The following SLC16A12 variants were observed in gnomAD, a reference collection of about 807,000 sequenced individuals.
The protein encoded by SLC16A12 is monocarboxylate transporter 12.
In SLC16A12, 17 loss-of-function variants were observed where a neutral mutation model predicts 42.4. The observed-to-expected ratio is 0.40, with a 90% confidence interval of 0.27 to 0.60. The LOEUF is 0.60. SLC16A12 is among the 20% of genes least tolerant of loss of function. The pLI is 0.42. For missense variants in SLC16A12, 544 were observed against 623.0 expected, an observed-to-expected ratio of 0.87 and a Z score of 1.35; for synonymous variants, 224 against 229.4, an observed-to-expected ratio of 0.98 and a Z score of 0.21.
chr10:89,431,137 A>T lies in SLC16A12; in HGVS notation c.*1927T>A. The T allele has an allele frequency of 5.8e-6, 1 of 171,438 alleles. No homozygotes were observed. Among genetic ancestry groups the T allele is most frequent in the Non-Finnish European group, 1.2e-5 (1 of 81,498 alleles). 10.6% of individuals were successfully genotyped at this position (171,438 alleles called of 1,614,324 possible). A position where few individuals can be genotyped will look rare whatever the true frequency, so the allele number is the denominator to read the frequency against. On this transcript the variant is annotated 3_prime_UTR_variant, in exon 8 of 8. Coordinates refer to ENST00000371790, the MANE Select transcript of SLC16A12 (RefSeq NM_213606.4). ...CTCAGCCTCATGAGTAGCTGGGACT[A>T]CAGGCGCCCGCCACCACGCCTGGCT...
At chr10:89,436,552 A>G (rs1841789523) in intron 6 of SLC16A12, among the ~76,000 whole-genome samples, 1 of 152,166 alleles carries the variant, frequency 6.6e-6, no homozygotes, top group African/African-American at 2.4e-5. Context: ...AAGGTAGAAT[A>G]TTAAAACTAG....
chr10:89,430,746 C>T lies in SLC16A12; in HGVS notation c.*2318G>A, dbSNP rs1377183378. On this transcript the variant is annotated 3_prime_UTR_variant, in exon 8 of 8. Transcript: ENST00000371790. Reference sequence around the variant, plus strand: ...GTCAAATCTCCCAAATGTTTTTATACAAAATCTTTAAAATTTCTGATCACT... The same window carrying T: ...GTCAAATCTCCCAAATGTTTTTATATAAAATCTTTAAAATTTCTGATCACT... 4.3e-6 allele frequency: 2 copies of T among 461,086 alleles called. No individual in the cohort carries two copies. Among genetic ancestry groups the T allele is most frequent in the East Asian group, 1.4e-4 (2 of 14,276 alleles). 28.6% of individuals were successfully genotyped at this position (461,086 alleles called of 1,614,324 possible).
chr10:89,533,894 T>C (rs1843600863), intron 2 of SLC16A12, among the ~76,000 whole-genome samples: 1 of 151,724 alleles, frequency 6.6e-6, no homozygotes, highest in Admixed American at 6.6e-5. Flanking sequence ...ATGCTAGTCA[T>C]ATTATTTTTG....
At chr10:89,547,966 CAAAA>C (rs60543445) in intron 2 of SLC16A12, among the ~76,000 whole-genome samples, 2 of 81,602 alleles carry the variant, frequency 2.5e-5, no homozygotes, top group Admixed American at 1.5e-4. Flanking sequence ...CCAGCCTGGG[CAAAA>C]AAAAAAAAAA....
intron 2 of SLC16A12, among the ~76,000 whole-genome samples, chr10:89,475,042 G>A (rs895584906): frequency 3.9e-5 from 6 of 152,140 alleles, no homozygotes; most frequent in Non-Finnish European, 8.8e-5. Flanking sequence ...GCTAAATGTT[G>A]TTGCTAAATG....
In SLC16A12 at chr10:89,548,515, T is replaced by TA. The variant is rs565213606; in HGVS notation, c.-47+7366dup. On this transcript the variant is annotated intron_variant, in intron 2 of 2. Coordinates refer to the SLC16A12 transcript ENST00000475682. Reference sequence around the variant, plus strand: ...TGCCTGCAATGTCTAGTAGGAGAAATAAAAAAAAAACGCAGTCGCGACTGG... The same window carrying TA: ...TGCCTGCAATGTCTAGTAGGAGAAATAAAAAAAAAAACGCAGTCGCGACTGG... Among the ~76,000 whole-genome samples the TA allele has an allele frequency of 1.3e-3, 190 of 145,998 alleles. 1 individual carries two copies. The South Asian group carries it at 0.024, about 19-fold the overall frequency.
chr10:89,530,560 G>A (rs1258431393), intron 2 of SLC16A12, among the ~76,000 whole-genome samples: 1 of 151,936 alleles, frequency 6.6e-6, no homozygotes, highest in Non-Finnish European at 1.5e-5. Context: ...TGGGACTACA[G>A]GCGCCTACCA....
chr10:89,529,961 A>C (rs1843518454), intron 2 of SLC16A12, among the ~76,000 whole-genome samples: 3 of 152,210 alleles, frequency 2.0e-5, no homozygotes, highest in Admixed American at 2.0e-4. Flanking sequence ...ACCCTCAGAA[A>C]TGGAAACATT....
intron 3 of SLC16A12, among the ~76,000 whole-genome samples, chr10:89,451,229 T>C (rs1437914840): frequency 3.3e-5 from 5 of 152,120 alleles, no homozygotes; most frequent in Non-Finnish European, 2.9e-5. Flanking sequence ...CTCCCTCTCC[T>C]CCCCAGTTGC....
At chr10:89,436,418 C>T (rs751739393) in intron 6 of SLC16A12, 99 bp from the exon 7 acceptor site, 101 of 1,425,274 alleles carry the variant, frequency 7.1e-5, no homozygotes, top group Non-Finnish European at 9.6e-5. Context: ...CAGTTATTTA[C>T]AGAGATGGCT....
rs1841680079 is a variant in SLC16A12 at position 89,430,618 on chromosome 10, G to A, written c.*2446C>T. On this transcript the variant is annotated 3_prime_UTR_variant, in exon 8 of 8. Coordinates refer to ENST00000371790, the MANE Select transcript of SLC16A12 (RefSeq NM_213606.4). ...AACATTAACACTAAAATTCTGTGTA[G>A]AAATGTAAAATAGTAGACCTTAAGA... The A allele has an allele frequency of 2.2e-6, 1 of 462,544 alleles. No individual in the cohort carries two copies. 28.7% of individuals were successfully genotyped at this position (462,544 alleles called of 1,614,324 possible). A position where few individuals can be genotyped will look rare whatever the true frequency, so the allele number is the denominator to read the frequency against.
At chr10:89,475,897 C>A (rs1842570309) in intron 2 of SLC16A12, among the ~76,000 whole-genome samples, 2 of 152,194 alleles carry the variant, frequency 1.3e-5, no homozygotes, top group Admixed American at 1.3e-4. Context: ...TTCTTTCCCA[C>A]CCTTTCAGTT....
intron 1 of SLC16A12, among the ~76,000 whole-genome samples, chr10:89,556,319 A>T (rs1028597351): frequency 1.3e-5 from 2 of 151,322 alleles, no homozygotes; most frequent in African/African-American, 4.8e-5. Flanking sequence ...TGAAACAAAA[A>T]GGGGGGAAGA....
At chr10:89,540,928 CTT>C (rs1257162396) in intron 2 of SLC16A12, among the ~76,000 whole-genome samples, 2 of 144,100 alleles carry the variant, frequency 1.4e-5, no homozygotes, top group Admixed American at 1.4e-4. Flanking sequence ...TTTTTTTTCC[CTT>C]TTTTTTTTTG....
upstream of SLC16A12, among the ~76,000 whole-genome samples, chr10:89,535,926 C>T (rs971046756): frequency 6.6e-6 from 1 of 152,252 alleles, no homozygotes; most frequent in Non-Finnish European, 1.5e-5. Flanking sequence ...TCGAAATGCA[C>T]CGGCTCATTC....
chr10:89,486,659 GAAA>G lies in SLC16A12; in HGVS notation c.-46-24038_-46-24036del, dbSNP rs1564585966. On this transcript the variant is annotated intron_variant, in intron 2 of 7. Coordinates refer to ENST00000371790, the MANE Select transcript of SLC16A12 (RefSeq NM_213606.4). The stretch of plus-strand genomic sequence containing the variant: ...AGAAAGAAAGAAAGAAAGAAAGAAA[GAAA>G]GAAAAGAAAGAAAGAAAGAAAAGAA... Among the ~76,000 whole-genome samples the G allele has an allele frequency of 2.0e-3, 94 of 46,596 alleles. 1 individual carries two copies. Among genetic ancestry groups the G allele is most frequent in the Non-Finnish European group, 3.6e-3 (82 of 22,742 alleles). 30.6% of individuals were successfully genotyped at this position (46,596 alleles called of 152,430 possible). A position where few individuals can be genotyped will look rare whatever the true frequency, so the allele number is the denominator to read the frequency against.
At chr10:89,470,568 G>T (rs978950157) in intron 2 of SLC16A12, among the ~76,000 whole-genome samples, 3 of 152,220 alleles carry the variant, frequency 2.0e-5, no homozygotes, top group Admixed American at 1.3e-4. Context: ...GAAGATAGGT[G>T]AGATAAGAGC....
At chr10:89,476,353 G>C (rs894198824) in intron 2 of SLC16A12, among the ~76,000 whole-genome samples, 6 of 152,118 alleles carry the variant, frequency 3.9e-5, no homozygotes, top group African/African-American at 1.4e-4. Context: ...TGTTGAAATG[G>C]GAGGGGCAAT....
intron 2 of SLC16A12, among the ~76,000 whole-genome samples, chr10:89,504,984 G>T (rs938034399): frequency 6.6e-6 from 1 of 152,158 alleles, no homozygotes; most frequent in African/African-American, 2.4e-5. Flanking sequence ...AGGCTGAGCA[G>T]ACAGAGCAAA....
Sources: gnomAD v4.1 joint callset for allele counts (sites outside exome capture counted in the v4.1 genomes callset) on GRCh38, gnomAD v4.1.1 for gene constraint, MANE v1.5 for transcripts, NCBI Gene and HGNC (gene_info 2026-07-23, HGNC 2026-07-21) for gene names.